Variants in RAB31 observed in about 807,000 individuals in gnomAD.
The protein encoded by RAB31 is ras-related protein Rab-31.
RAB31 carries 21 observed loss-of-function variants against 25.6 expected under a neutral mutation model. That is an observed-to-expected ratio of 0.82 (90% confidence interval 0.58 to 1.18). The LOEUF is 1.18. Among genes scored for constraint, RAB31 ranks in the 50% most tolerant of loss-of-function variants. RAB31 has a pLI of 0.00. For missense variants in RAB31, 196 were observed against 250.1 expected (o/e 0.78, Z 1.46); for synonymous variants, 87 against 84.0 (o/e 1.04, Z -0.20).
intron 1 of RAB31, among the ~76,000 whole-genome samples, chr18:9,768,873 A>G (rs556702741): frequency 6.6e-6 from 1 of 152,332 alleles, no homozygotes; most frequent in Admixed American, 6.5e-5. Flanking sequence ...ACTTTTGTAT[A>G]AGGTGTAAGG....
chr18:9,791,324 G>A (rs2145499830), intron 2 of RAB31, among the ~76,000 whole-genome samples: 1 of 143,832 alleles, frequency 7.0e-6, no homozygotes, highest in Non-Finnish European at 1.5e-5. Flanking sequence ...ATCCAAGGTT[G>A]TATTCTTTCC....
chr18:9,840,581 A>G (rs555184091), intron 5 of RAB31, among the ~76,000 whole-genome samples: 1 of 152,288 alleles, frequency 6.6e-6, no homozygotes, highest in Admixed American at 6.5e-5. Context: ...AACTCTCCTC[A>G]CAGATTGTAG....
intron 3 of RAB31, among the ~76,000 whole-genome samples, chr18:9,812,853 A>G (rs1292205761): frequency 1.3e-5 from 2 of 151,964 alleles, no homozygotes; most frequent in East Asian, 1.9e-4. Flanking sequence ...ATCTGCCACC[A>G]TGCCCAGCTA....
intron 1 of RAB31, among the ~76,000 whole-genome samples, chr18:9,722,154 T>C (rs2145459406): frequency 6.6e-6 from 1 of 152,232 alleles, no homozygotes; most frequent in Non-Finnish European, 1.5e-5. Context: ...TCTTGCGGGC[T>C]GGTGTAGGAA....
chr18:9,768,167 G>A (rs1276790824), intron 1 of RAB31, among the ~76,000 whole-genome samples: 5 of 152,172 alleles, frequency 3.3e-5, no homozygotes, highest in Non-Finnish European at 7.4e-5. Flanking sequence ...ATAAACATAC[G>A]TGTGCATGTG....
At chr18:9,784,963 G>A (rs2068424476) in intron 2 of RAB31, 1 of 152,188 alleles carries the variant, frequency 6.6e-6, no homozygotes, top group Admixed American at 6.5e-5. Flanking sequence ...CAGAGCAAAA[G>A]TTATGTTAAA....
At chr18:9,743,601 G>A (rs1239533727) in intron 1 of RAB31, among the ~76,000 whole-genome samples, 2 of 152,292 alleles carry the variant, frequency 1.3e-5, no homozygotes, top group African/African-American at 2.4e-5. Flanking sequence ...CGGCCCTCCC[G>A]GATATGCTTC....
At chr18:9,773,836 T>G (rs547144010) in intron 1 of RAB31, among the ~76,000 whole-genome samples, 17 of 152,182 alleles carry the variant, frequency 1.1e-4, no homozygotes, top group Admixed American at 9.2e-4. Flanking sequence ...TTTTTACATT[T>G]TTTTGTAGAG....
intron 1 of RAB31, among the ~76,000 whole-genome samples, chr18:9,749,080 T>TA (rs1303958567): frequency 2.0e-5 from 3 of 152,132 alleles, no homozygotes; most frequent in African/African-American, 7.2e-5. Flanking sequence ...CTGACATAAT[T>TA]AAAAAAATAG....
intron 3 of RAB31, among the ~76,000 whole-genome samples, chr18:9,793,773 G>A (rs1353459033): frequency 6.6e-6 from 1 of 152,134 alleles, no homozygotes; most frequent in Non-Finnish European, 1.5e-5. Flanking sequence ...TGATGACTAT[G>A]GAGTAAAATT....
intron 5 of RAB31, chr18:9,844,942 C>T (rs2068753285): frequency 6.6e-6 from 1 of 152,268 alleles, no homozygotes; most frequent in Admixed American, 6.5e-5. Context: ...CGGCTCACTG[C>T]AAGCTCTGCT....
intron 1 of RAB31, among the ~76,000 whole-genome samples, chr18:9,743,997 G>C (rs941218868): frequency 5.3e-5 from 8 of 152,202 alleles, no homozygotes; most frequent in African/African-American, 1.7e-4. Context: ...CTTTAATCAT[G>C]GGGCACAGTG....
At chr18:9,717,313 C>T (rs1208522189) in intron 1 of RAB31, among the ~76,000 whole-genome samples, 2 of 152,244 alleles carry the variant, frequency 1.3e-5, no homozygotes, top group South Asian at 4.1e-4. Context: ...CTTGAATTCT[C>T]TAGAAGTCAT....
chr18:9,817,200 G>T (rs1485310521), intron 5 of RAB31, among the ~76,000 whole-genome samples: 2 of 152,126 alleles, frequency 1.3e-5, no homozygotes, highest in Non-Finnish European at 2.9e-5. Context: ...CTGAGAGAAG[G>T]TGCTATCTCT....
chr18:9,823,512 A>T (rs2068633909), intron 5 of RAB31, among the ~76,000 whole-genome samples: 1 of 152,188 alleles, frequency 6.6e-6, no homozygotes, highest in Non-Finnish European at 1.5e-5. Context: ...CCATTTAGGG[A>T]AACTGGGCGA....
At chr18:9,722,448 T>C (rs978900625) in intron 1 of RAB31, among the ~76,000 whole-genome samples, 2 of 152,188 alleles carry the variant, frequency 1.3e-5, no homozygotes, top group Non-Finnish European at 2.9e-5. Flanking sequence ...TGGTGCATGA[T>C]GCGTACCTCG....
rs569990528 is a variant in RAB31, at chr18:9,746,885, A to G, written c.40-28393A>G. ...GCAATGGATTCTTAGACATGAAAGCAAAAGCATAAGTAACAAAAGAAAATG... is the reference window on the plus strand; with the variant it reads ...GCAATGGATTCTTAGACATGAAAGCGAAAGCATAAGTAACAAAAGAAAATG... On this transcript the variant is annotated intron_variant, in intron 1 of 6. Transcript: ENST00000578921. Among the ~76,000 whole-genome samples, 132 of 152,380 alleles carry G rather than the reference A, an allele frequency of 8.7e-4. 1 individual carries two copies. In the Middle Eastern group the frequency reaches 0.017, roughly 20 times the overall value.
At chr18:9,757,235 C>T (rs549555789) in intron 1 of RAB31, among the ~76,000 whole-genome samples, 24 of 152,302 alleles carry the variant, frequency 1.6e-4, no homozygotes, top group African/African-American at 5.8e-4. Flanking sequence ...CAGCAGCACC[C>T]GGCATGGTGG....
At chr18:9,747,186 A>C (rs1368993788) in intron 1 of RAB31, among the ~76,000 whole-genome samples, 1 of 152,250 alleles carries the variant, frequency 6.6e-6, no homozygotes, top group Non-Finnish European at 1.5e-5. Context: ...TCATTAGGTA[A>C]ATGCAGATTA....
Sources: gnomAD v4.1 joint callset for allele counts (sites outside exome capture counted in the v4.1 genomes callset) on GRCh38, gnomAD v4.1.1 for gene constraint, MANE v1.5 for transcripts, NCBI Gene and HGNC (gene_info 2026-07-23, HGNC 2026-07-21) for gene names.